FGGY: variants seen among roughly 807,000 people sequenced by gnomAD.
FGGY encodes the protein FGGY carbohydrate kinase domain-containing protein.
A neutral mutation model predicts 71.3 loss-of-function variants in FGGY; 72 were observed. That is an observed-to-expected ratio of 1.01 (90% confidence interval 0.84 to 1.23). The LOEUF is 1.23. Among genes scored for constraint, FGGY ranks in the 50% most tolerant of loss-of-function variants. The pLI is 0.00. For missense variants in FGGY, 668 were observed against 682.3 expected (o/e 0.98, Z 0.23); for synonymous variants, 251 against 250.3 (o/e 1.00, Z -0.02).
intron 4 of FGGY, among the ~76,000 whole-genome samples, chr1:59,358,631 C>G (rs1022312251): frequency 1.3e-5 from 2 of 152,180 alleles, no homozygotes; most frequent in Non-Finnish European, 2.9e-5. Flanking sequence ...TATGTTGTTT[C>G]CATCTGTCTG....
intron 8 of FGGY, among the ~76,000 whole-genome samples, chr1:59,559,198 A>G (rs1344745564): frequency 6.6e-6 from 1 of 152,224 alleles, no homozygotes; most frequent in African/African-American, 2.4e-5. Context: ...GAAATTATTA[A>G]AGTATTAATT....
At chr1:59,503,733 G>A (rs1388930923) in intron 6 of FGGY, among the ~76,000 whole-genome samples, 1 of 150,304 alleles carries the variant, frequency 6.7e-6, no homozygotes, top group Non-Finnish European at 1.5e-5. Context: ...GAGTTAGCAG[G>A]AATCATGGGT....
chr1:59,357,579 G>C (rs1230651372), intron 4 of FGGY, among the ~76,000 whole-genome samples: 1 of 152,026 alleles, frequency 6.6e-6, no homozygotes, highest in Non-Finnish European at 1.5e-5. Context: ...GGTCCTTTTG[G>C]CTTTAAATTC....
chr1:59,648,828 C>A (rs1386256257), intron 11 of FGGY, among the ~76,000 whole-genome samples: 3 of 152,112 alleles, frequency 2.0e-5, no homozygotes, highest in African/African-American at 7.2e-5. Context: ...CTTGCCCATG[C>A]CTATGTCCTG....
rs775123358 is a variant in FGGY at position 59,660,308 on chromosome 1, T to G, written c.1296+15T>G. On this transcript the variant is annotated intron_variant, in intron 12 of 15. Coordinates refer to ENST00000303721, the MANE Select transcript of FGGY (RefSeq NM_018291.5). ...AAGCCATTGCTGTAAGATACTGTAA[T>G]GCCATTTTTAAAGAGACTTAGAGCC... 1 of 1,609,134 alleles carries G rather than the reference T, an allele frequency of 6.2e-7. No homozygotes were observed. Among genetic ancestry groups the G allele is most frequent in the Non-Finnish European group, 8.5e-7 (1 of 1,177,412 alleles).
At chr1:59,672,941 G>C (rs1456415057) in intron 13 of FGGY, among the ~76,000 whole-genome samples, 1 of 152,104 alleles carries the variant, frequency 6.6e-6, no homozygotes, top group East Asian at 1.9e-4. Flanking sequence ...CATATGGAGG[G>C]CTCCTCCCTG....
At chr1:59,737,373 C>G (rs901284014) in intron 14 of FGGY, among the ~76,000 whole-genome samples, 1 of 152,184 alleles carries the variant, frequency 6.6e-6, no homozygotes, top group Non-Finnish European at 1.5e-5. Flanking sequence ...CAGCTTACAC[C>G]ATGTGCCTGA....
intron 5 of FGGY, among the ~76,000 whole-genome samples, chr1:59,406,230 A>G (rs1335793255): frequency 7.8e-6 from 1 of 128,222 alleles, no homozygotes; most frequent in African/African-American, 2.7e-5. Flanking sequence ...AAATGCTCAG[A>G]GAGGAGGATA....
chr1:59,545,150 T>C (rs2095502160), intron 7 of FGGY, among the ~76,000 whole-genome samples: 1 of 152,232 alleles, frequency 6.6e-6, no homozygotes, highest in African/African-American at 2.4e-5. Flanking sequence ...TGGGATCTTG[T>C]AGAATACAAG....
chr1:59,618,662 T>C (rs1054079358), intron 9 of FGGY, among the ~76,000 whole-genome samples: 2 of 152,164 alleles, frequency 1.3e-5, no homozygotes, highest in African/African-American at 4.8e-5. Flanking sequence ...GAAATACATA[T>C]ATAGTAGATG....
chr1:59,490,895 C>G (rs1428358717), intron 6 of FGGY, among the ~76,000 whole-genome samples: 1 of 151,926 alleles, frequency 6.6e-6, no homozygotes, highest in African/African-American at 2.4e-5. Context: ...GTCTGTTTTT[C>G]TGCCAATACT....
At chr1:59,408,852 T>A (rs2063162926) in intron 5 of FGGY, among the ~76,000 whole-genome samples, 1 of 152,178 alleles carries the variant, frequency 6.6e-6, no homozygotes, top group African/African-American at 2.4e-5. Context: ...TGATTTCTGC[T>A]TGAAAATTAG....
chr1:59,578,153 G>T (rs568436782), intron 8 of FGGY, among the ~76,000 whole-genome samples: 4 of 152,232 alleles, frequency 2.6e-5, no homozygotes, highest in Non-Finnish European at 5.9e-5. Context: ...ACAAGGAAAA[G>T]GTGTGTGGGT....
At chr1:59,440,784 C>T (rs1045889296) in intron 5 of FGGY, among the ~76,000 whole-genome samples, 1 of 150,646 alleles carries the variant, frequency 6.6e-6, no homozygotes, top group East Asian at 2.0e-4. Context: ...GATGAATTCC[C>T]AGAGGAATTG....
rs1557475066 is a variant in FGGY at position 59,300,203 on chromosome 1, A to G, written c.-15+3053A>G. ...GAAGTTTTGTTATATGCATATATCT[A>G]TGAAAACCATCATGACCATCAAAAG... is the stretch of plus-strand genomic sequence containing the variant. On this transcript the variant is annotated intron_variant, in intron 1 of 15. Coordinates refer to ENST00000303721, the MANE Select transcript of FGGY (RefSeq NM_018291.5). Among the ~76,000 whole-genome samples the G allele has an allele frequency of 3.3e-5, 5 of 152,236 alleles. No individual in the cohort carries two copies. The South Asian group carries it at 1.0e-3, about 31-fold the overall frequency.
intron 14 of FGGY, among the ~76,000 whole-genome samples, chr1:59,721,337 G>GTTTCTTTTTTTTTTTTTTT (rs2097891589): frequency 9.5e-6 from 1 of 105,376 alleles, no homozygotes; most frequent in Non-Finnish European, 1.7e-5. Flanking sequence ...TCTTTCCTTT[G>GTTTCTTTTTTTTTTTTTTT]TTTTTTTTTT....
intron 4 of FGGY, among the ~76,000 whole-genome samples, chr1:59,352,150 C>T (rs1409256202): frequency 6.6e-6 from 1 of 152,096 alleles, no homozygotes; most frequent in African/African-American, 2.4e-5. Context: ...TAATGAAGGC[C>T]AAATGTAAAT....
At chr1:59,584,485 ACT>A (rs2096249615) in intron 8 of FGGY, among the ~76,000 whole-genome samples, 1 of 149,688 alleles carries the variant, frequency 6.7e-6, no homozygotes, top group African/African-American at 2.5e-5. Flanking sequence ...CATGCTAAAA[ACT>A]CTCAATAAAT....
chr1:59,534,175 G>A (rs1181056284), intron 7 of FGGY, among the ~76,000 whole-genome samples: 2 of 152,130 alleles, frequency 1.3e-5, no homozygotes, highest in Admixed American at 6.5e-5. Context: ...CGAGAACTAC[G>A]TGAAGAATGC....
Sources: gnomAD v4.1 joint callset for allele counts (sites outside exome capture counted in the v4.1 genomes callset) on GRCh38, gnomAD v4.1.1 for gene constraint, MANE v1.5 for transcripts, NCBI Gene and HGNC (gene_info 2026-07-23, HGNC 2026-07-21) for gene names.